SLC17A8: variants seen among roughly 807,000 people sequenced by gnomAD.
The protein encoded by SLC17A8 is vesicular glutamate transporter 3.
A neutral mutation model predicts 58.0 loss-of-function variants in SLC17A8; 31 were observed. The observed-to-expected ratio is 0.53, with a 90% confidence interval of 0.40 to 0.72. The LOEUF is 0.72. SLC17A8 is among the 30% of genes least tolerant of loss of function. The pLI is 0.00. For missense variants in SLC17A8, 655 were observed against 727.8 expected, an observed-to-expected ratio of 0.90 and a Z score of 1.15; for synonymous variants, 228 against 249.0, an observed-to-expected ratio of 0.92 and a Z score of 0.79.
chr12:100,364,542 G>GTA (rs1952506453), intron 1 of SLC17A8, among the ~76,000 whole-genome samples: 4 of 152,196 alleles, frequency 2.6e-5, no homozygotes, highest in Admixed American at 6.5e-5. Context: ...CTAGCACTGG[G>GTA]TGGCTGAGGA....
intron 1 of SLC17A8, among the ~76,000 whole-genome samples, chr12:100,358,538 G>GA (rs1426736750): frequency 6.6e-6 from 1 of 151,854 alleles, no homozygotes; most frequent in South Asian, 2.1e-4. Flanking sequence ...TTCCTAATAA[G>GA]AAAAAAGAGT....
rs764189569 is a variant in SLC17A8, at chr12:100,402,448, T to C, written c.872T>C (p.Ile291Thr). Residue 291 changes from isoleucine (I) to threonine (T), a missense_variant, in exon 7 of 12, where the codon ATA becomes ACA. Physicochemically the swap from Ile to Thr is moderately conservative, Grantham distance 89 (BLOSUM62 -1). Transcript: ENST00000323346. Reference sequence around the variant, plus strand: ...GAGAAGACCTATATAGAGACAAGCATAGGAGAGGGGGCCAACGTGGTTAGT... The same window carrying C: ...GAGAAGACCTATATAGAGACAAGCACAGGAGAGGGGGCCAACGTGGTTAGT... ...NEEKTYIETS[I>T]GEGANVVSLS... 20 of 1,614,082 alleles carry C rather than the reference T, an allele frequency of 1.2e-5. 1 individual carries two copies. The highest frequency in any genetic ancestry group is 6.6e-5 in the South Asian group (6 of 91,078).
intron 4 of SLC17A8, among the ~76,000 whole-genome samples, chr12:100,393,805 C>A (rs1193846455): frequency 1.3e-5 from 2 of 152,250 alleles, no homozygotes; most frequent in East Asian, 3.9e-4. Context: ...TCCACTAAAA[C>A]AATTTAAGTG....
chr12:100,383,871 T>TA (rs143253625), intron 2 of SLC17A8, among the ~76,000 whole-genome samples: 3 of 152,094 alleles, frequency 2.0e-5, no homozygotes, highest in South Asian at 4.2e-4. Flanking sequence ...CTTAGCTAAT[T>TA]AAAAAAAATT....
chr12:100,382,945 C>G (rs1276030260), intron 2 of SLC17A8, among the ~76,000 whole-genome samples: 1 of 152,186 alleles, frequency 6.6e-6, no homozygotes, highest in Non-Finnish European at 1.5e-5. Flanking sequence ...TGGAGATCCT[C>G]CTAACTAGTC....
rs759637127 is a variant in SLC17A8, at chr12:100,393,348, C to T, written c.474-21C>T. ...ATCCATCAGCAGACCTGCCGAATAA[C>T]ACAATGCTTTGGTCCCCCAGGGTCT... On this transcript the variant is annotated intron_variant, in intron 3 of 11. Transcript: ENST00000323346. 5.1e-6 allele frequency: 8 copies of T among 1,566,678 alleles called. No homozygotes were observed. In the South Asian group the frequency reaches 7.8e-5, roughly 15 times the overall value.
Position 100,394,018 on chromosome 12 carries a change from G to A in SLC17A8, c.588+535G>A, listed in dbSNP as rs542786732. On this transcript the variant is annotated intron_variant, in intron 4 of 11. Transcript: ENST00000323346. ...TATGGAAACAAATGGGCATGGCTAC[G>A]TTCCAATTAAACATTTTACAAACTG... Among the ~76,000 whole-genome samples, 4 of 152,268 alleles carry A rather than the reference G, an allele frequency of 2.6e-5. No homozygotes were observed. In the South Asian group the frequency reaches 6.2e-4, roughly 24 times the overall value.
At chr12:100,379,235 A>C (rs1359467662) in intron 1 of SLC17A8, among the ~76,000 whole-genome samples, 2 of 152,002 alleles carry the variant, frequency 1.3e-5, no homozygotes, top group Admixed American at 1.3e-4. Context: ...AGGAGATCGA[A>C]ACCATCCTGG....
chr12:100,376,866 G>A (rs1203601219), intron 1 of SLC17A8, among the ~76,000 whole-genome samples: 1 of 152,066 alleles, frequency 6.6e-6, no homozygotes, highest in Non-Finnish European at 1.5e-5. Context: ...CTGGAGTGCA[G>A]CAGTGCAATC....
At chr12:100,357,893 A>C (rs1952459520) in intron 1 of SLC17A8, among the ~76,000 whole-genome samples, 1 of 152,242 alleles carries the variant, frequency 6.6e-6, no homozygotes, top group African/African-American at 2.4e-5. Flanking sequence ...ATAAATGAAA[A>C]TTAAATATTT....
Position 100,380,849 on chromosome 12 carries a change from CTGGGATTCTGCATTTCCTT to C in SLC17A8, c.257_275del (p.Phe86SerfsTer51). On this transcript the variant is annotated frameshift_variant, in exon 2 of 12. Transcript: ENST00000323346. LOFTEE classifies it high-confidence loss of function. ...TTACATCATTGCTATCATGAGTGGGCTGGGATTCTGCATTTCCTTTGGGATCCGGTGCAATCTTGGAGTT... is the reference window on the plus strand; with the variant it reads ...TTACATCATTGCTATCATGAGTGGGCTGGGATCCGGTGCAATCTTGGAGTT... 1 of 1,614,122 alleles carries C rather than the reference CTGGGATTCTGCATTTCCTT, an allele frequency of 6.2e-7. No homozygotes were observed. The highest frequency in any genetic ancestry group is 8.5e-7 in the Non-Finnish European group (1 of 1,180,030).
chr12:100,369,926 T>A (rs1484007467), intron 1 of SLC17A8, among the ~76,000 whole-genome samples: 1 of 152,212 alleles, frequency 6.6e-6, no homozygotes, highest in Non-Finnish European at 1.5e-5. Flanking sequence ...GAGCTCACTA[T>A]GGAAGTGACA....
chr12:100,403,794 T>C (rs1211812177), intron 8 of SLC17A8, among the ~76,000 whole-genome samples: 2 of 152,188 alleles, frequency 1.3e-5, no homozygotes, highest in African/African-American at 4.8e-5. Context: ...CTGTGATGAA[T>C]AAAAGTCATC....
At chr12:100,406,044 GATA>G (rs1294767358) in intron 9 of SLC17A8, among the ~76,000 whole-genome samples, 1 of 152,112 alleles carries the variant, frequency 6.6e-6, no homozygotes, top group Non-Finnish European at 1.5e-5. Context: ...CCCTTCTAAT[GATA>G]AAATTCTGCT....
chr12:100,358,526 C>T (rs924388595), intron 1 of SLC17A8, among the ~76,000 whole-genome samples: 5 of 152,122 alleles, frequency 3.3e-5, no homozygotes, highest in Non-Finnish European at 4.4e-5. Flanking sequence ...TTAATATTAA[C>T]TTTCCTAATA....
chr12:100,380,103 G>A (rs549536656), intron 1 of SLC17A8, among the ~76,000 whole-genome samples: 52 of 151,564 alleles, frequency 3.4e-4, no homozygotes, highest in Middle Eastern at 3.4e-3. Flanking sequence ...GGAGGCTGAT[G>A]TGAGAGAATC....
chr12:100,372,709 A>C (rs143007773), intron 1 of SLC17A8, among the ~76,000 whole-genome samples: 70 of 152,226 alleles, frequency 4.6e-4, no homozygotes, highest in African/African-American at 1.6e-3. Flanking sequence ...TGAGCAAGTA[A>C]ATTGATTTAA....
At chr12:100,385,465 T>C (rs2135990371) in intron 2 of SLC17A8, among the ~76,000 whole-genome samples, 1 of 152,260 alleles carries the variant, frequency 6.6e-6, no homozygotes. Flanking sequence ...CTTGAACTCC[T>C]GACTTCAGGT....
intron 1 of SLC17A8, among the ~76,000 whole-genome samples, chr12:100,367,960 C>T (rs1952531971): frequency 6.6e-6 from 1 of 152,184 alleles, no homozygotes; most frequent in South Asian, 2.1e-4. Flanking sequence ...AGTCACCAGG[C>T]TACTCTGGAC....
Sources: allele counts gnomAD v4.1 joint callset (sites outside exome capture counted in the v4.1 genomes callset), GRCh38; gene constraint gnomAD v4.1.1; transcripts MANE v1.5; gene names NCBI Gene and HGNC (gene_info 2026-07-23, HGNC 2026-07-21).